The following DUX4 variants were observed in gnomAD, a reference collection of about 807,000 sequenced individuals.
DUX4 encodes double homeobox 4.
At chr4:190,181,344 GATATGCCACAATGCCCTC>G (rs1742566222) in intron 1 of DUX4, among the ~76,000 whole-genome samples, 3 of 636 alleles carry the variant, frequency 4.7e-3, no homozygotes, top group Non-Finnish European at 7.2e-3. Flanking sequence ...TCTCTGCAAA[GATATGCCACAATGCCCTC>G]TGTAGGCAGA....
At chr4:190,183,835 C>A (rs1375232922) in intron 1 of DUX4, among the ~76,000 whole-genome samples, 2 of 108,526 alleles carry the variant, frequency 1.8e-5, no homozygotes, top group Admixed American at 2.2e-4. Context: ...CCACAACCCG[C>A]AGCATACTGG....
chr4:190,178,262 C>A (rs1742413733), downstream of DUX4, among the ~76,000 whole-genome samples: 23 of 129,930 alleles, frequency 1.8e-4, no homozygotes, highest in East Asian at 9.0e-4. Context: ...CCTGGGTGAT[C>A]AGTGTAGAGA....
chr4:190,185,304 T>TA (rs1742651438), intron 1 of DUX4: 4 of 40,738 alleles, frequency 9.8e-5, no homozygotes, highest in African/African-American at 1.6e-4. Flanking sequence ...TTTGCTTTTT[T>TA]TAAAAAAAAT....
At chr4:190,179,175 T>G (rs1742481191), downstream of DUX4, among the ~76,000 whole-genome samples, 1 of 152,072 alleles carries the variant, frequency 6.6e-6, no homozygotes, top group Non-Finnish European at 1.5e-5. Flanking sequence ...GCAATGCCCC[T>G]GTAGGCAGAG....
chr4:190,177,353 A>T (rs1179288145), downstream of DUX4, among the ~76,000 whole-genome samples: 2 of 15,058 alleles, frequency 1.3e-4, no homozygotes, highest in Non-Finnish European at 3.2e-4. Flanking sequence ...CCTAGACAAG[A>T]GTTACATCAC....
At chr4:190,178,148 C>T, downstream of DUX4, among the ~76,000 whole-genome samples, 3 of 152,202 alleles carry the variant, frequency 2.0e-5, no homozygotes, top group Admixed American at 2.0e-4. Context: ...GTCACAACGC[C>T]CTCTGTAGGC....
intron 1 of DUX4, among the ~76,000 whole-genome samples, chr4:190,181,432 C>CTAT (rs1742570251): frequency 7.4e-6 from 1 of 134,450 alleles, no homozygotes; most frequent in African/African-American, 2.6e-5. Context: ...AATGCCCCTG[C>CTAT]AGGCAGAGCG....
chr4:190,176,471 C>T (rs1308879887), downstream of DUX4, among the ~76,000 whole-genome samples: 1 of 109,286 alleles, frequency 9.2e-6, no homozygotes, highest in African/African-American at 2.7e-5. Flanking sequence ...AGTGTTACAT[C>T]ACCTAGGTTA....
chr4:190,178,503 A>T (rs1579834303), downstream of DUX4, among the ~76,000 whole-genome samples: 215 of 148,036 alleles, frequency 1.5e-3, no homozygotes, highest in African/African-American at 5.2e-3. Context: ...CCCTGTAGGC[A>T]GATCCTAGAC....
At chr4:190,183,337 G>T (rs1419972943) in intron 1 of DUX4, 4 of 108,112 alleles carry the variant, frequency 3.7e-5, no homozygotes, top group African/African-American at 1.1e-4. Flanking sequence ...GGACAAAACG[G>T]GTCCCCAGGA....
downstream of DUX4, among the ~76,000 whole-genome samples, chr4:190,176,855 A>G (rs1742325257): frequency 7.4e-6 from 1 of 135,670 alleles, no homozygotes. Flanking sequence ...AGCCTTCTGT[A>G]GGCAAAGCCC....
chr4:190,178,358 C>CA (rs1742420106), downstream of DUX4, among the ~76,000 whole-genome samples: 1 of 150,752 alleles, frequency 6.6e-6, no homozygotes, highest in African/African-American at 2.4e-5. Flanking sequence ...ACAATGTCCC[C>CA]TGTAGGCAAA....
At chr4:190,178,885 A>AGGTT (rs1415331305), downstream of DUX4, among the ~76,000 whole-genome samples, 35 of 99,524 alleles carry the variant, frequency 3.5e-4, 1 homozygote, top group South Asian at 6.9e-4. Flanking sequence ...ATCAGTGCAG[A>AGGTT]TCTATGTCAC....
downstream of DUX4, among the ~76,000 whole-genome samples, chr4:190,179,529 C>T (rs1579835613): frequency 1.4e-3 from 195 of 134,988 alleles, no homozygotes; most frequent in African/African-American, 1.5e-3. Context: ...TAGGCAGAGC[C>T]TAGACAAGAG....
downstream of DUX4, among the ~76,000 whole-genome samples, chr4:190,179,799 C>CGA (rs1742513818): frequency 8.1e-4 from 28 of 34,578 alleles, no homozygotes; most frequent in East Asian, 2.0e-3. Context: ...GTAGGCAAGC[C>CGA]TACACAAGTA....
chr4:190,185,298 CT>C (rs1248141197), intron 1 of DUX4: 10 of 39,382 alleles, frequency 2.5e-4, no homozygotes, highest in East Asian at 8.9e-4. Flanking sequence ...TTGTTGTTTG[CT>C]TTTTTTAAAA....
chr4:190,179,669 G>T (rs1742507621), downstream of DUX4, among the ~76,000 whole-genome samples: 90 of 151,864 alleles, frequency 5.9e-4, no homozygotes, highest in Middle Eastern at 3.4e-3. Flanking sequence ...CAGAGACCAG[G>T]CAAGAGTTGG....
At chr4:190,177,070 A>T (rs1742340166), downstream of DUX4, among the ~76,000 whole-genome samples, 8 of 150,482 alleles carry the variant, frequency 5.3e-5, no homozygotes, top group African/African-American at 1.9e-4. Flanking sequence ...TAGGCAGAGT[A>T]TAGAGAAGAG....
intron 1 of DUX4, chr4:190,183,328 G>C (rs1429240309): frequency 9.2e-6 from 1 of 108,538 alleles, no homozygotes; most frequent in East Asian, 3.1e-4. Context: ...CTAAATCATG[G>C]ACAAAACGGG....
Sources: allele counts gnomAD v4.1 joint callset (sites outside exome capture counted in the v4.1 genomes callset), GRCh38; gene constraint gnomAD v4.1.1; transcripts MANE v1.5; gene names NCBI Gene and HGNC (gene_info 2026-07-23, HGNC 2026-07-21).